Variants in HIP1 observed in about 807,000 individuals in gnomAD.
HIP1 encodes huntingtin interacting protein 1.
In HIP1, 65 loss-of-function variants were observed where a neutral mutation model predicts 147.6. The ratio of observed to expected loss-of-function variants is 0.44; its 90% CI spans 0.36 to 0.54. HIP1 has a LOEUF of 0.54. Among genes scored for constraint, HIP1 ranks in the 20% least tolerant of loss-of-function variants. The pLI is 0.00. For missense variants in HIP1, 1,061 were observed against 1,299.6 expected (o/e 0.82, Z 2.82); for synonymous variants, 479 against 504.0 (o/e 0.95, Z 0.67).
chr7:75,669,073 C>A lies in HIP1; in HGVS notation c.120+69728G>T, dbSNP rs1410483145. On this transcript the variant is annotated intron_variant, in intron 1 of 30. Transcript: ENST00000336926. ...TTTCTACTTAAAACAAACAAACAAA[C>A]AAAAAAAACAGGCCGGGTGTGGTGG... Among the ~76,000 whole-genome samples the A allele has an allele frequency of 5.4e-4, 79 of 146,120 alleles. 2 individuals carry two copies. The highest frequency in any genetic ancestry group is 3.1e-3 in the Admixed American group (45 of 14,534).
intron 4 of HIP1, among the ~76,000 whole-genome samples, chr7:75,590,481 T>C (rs587611601): frequency 2.0e-5 from 3 of 151,356 alleles, no homozygotes; most frequent in Non-Finnish European, 4.4e-5. Context: ...ATGAGAGAAA[T>C]AGAAGTAGAA....
chr7:75,553,088 C>A (rs1794848406), intron 22 of HIP1, among the ~76,000 whole-genome samples: 1 of 152,006 alleles, frequency 6.6e-6, no homozygotes, highest in African/African-American at 2.4e-5. Context: ...TAGGCATGCA[C>A]CACTATGCTG....
rs1000231069 is a variant in HIP1 at position 75,591,955 on chromosome 7, G to A, written c.384+101C>T. On this transcript the variant is annotated intron_variant, in intron 4 of 30. Coordinates refer to ENST00000336926, the MANE Select transcript of HIP1 (RefSeq NM_005338.7). ...CACCCATGGGAGAAATCCTCAACAA[G>A]CTGAAGGAGATGAATTTATTTCACC... The A allele has an allele frequency of 1.8e-5, 17 of 952,102 alleles. No individual in the cohort carries two copies. The African/African-American group carries it at 2.7e-4, about 15-fold the overall frequency. The allele number at this position is 952,102 out of a possible 1,614,324, so 59.0% of individuals were successfully genotyped here. A position where few individuals can be genotyped will look rare whatever the true frequency, so the allele number is the denominator to read the frequency against.
intron 5 of HIP1, among the ~76,000 whole-genome samples, chr7:75,586,365 G>A (rs1796280520): frequency 6.6e-6 from 1 of 151,946 alleles, no homozygotes; most frequent in South Asian, 2.1e-4. Flanking sequence ...ACCACCATGG[G>A]TAATTTTTGT....
intron 1 of HIP1, among the ~76,000 whole-genome samples, chr7:75,655,626 AG>A: frequency 6.6e-6 from 1 of 151,904 alleles, no homozygotes; most frequent in Non-Finnish European, 1.5e-5. Flanking sequence ...AGCAAAGCAA[AG>A]AAATAAGCCA....
At chr7:75,649,619 G>T (rs1461324797) in intron 1 of HIP1, among the ~76,000 whole-genome samples, 1 of 152,130 alleles carries the variant, frequency 6.6e-6, no homozygotes, top group Non-Finnish European at 1.5e-5. Context: ...GATGTAATGG[G>T]TCTGGGATCA....
chr7:75,566,213 G>T (rs1795395999), intron 9 of HIP1, among the ~76,000 whole-genome samples: 1 of 150,562 alleles, frequency 6.6e-6, no homozygotes, highest in South Asian at 2.1e-4. Context: ...GTAGAGACGG[G>T]GTTTCACCAT....
At chr7:75,576,226 T>C (rs1795841701) in intron 7 of HIP1, among the ~76,000 whole-genome samples, 1 of 152,252 alleles carries the variant, frequency 6.6e-6, no homozygotes, top group Non-Finnish European at 1.5e-5. Flanking sequence ...CGTAAGGGTC[T>C]CAGAGGACTT....
chr7:75,716,766 G>A (rs988962899), intron 1 of HIP1, among the ~76,000 whole-genome samples: 1 of 151,278 alleles, frequency 6.6e-6, no homozygotes, highest in Non-Finnish European at 1.5e-5. Context: ...GTGATCTGCC[G>A]TCTCAGCCTC....
intron 1 of HIP1, among the ~76,000 whole-genome samples, chr7:75,728,948 G>C (rs1801739877): frequency 6.6e-6 from 1 of 151,316 alleles, no homozygotes; most frequent in African/African-American, 2.4e-5. Context: ...GTGGGGGGAA[G>C]TGGGGTGAAA....
Position 75,555,397 on chromosome 7 carries a change from TG to T in HIP1, c.1963+18del, listed in dbSNP as rs1392854247. 6.2e-7 allele frequency: 1 copy of T among 1,612,768 alleles called. No homozygotes were observed. The highest frequency in any genetic ancestry group is 8.5e-7 in the Non-Finnish European group (1 of 1,179,958). ...CTGTAAGGACCTGGCCCCTGCCAGC[TG>T]GGCAATTGCAAGTGTACCTGCAGAC... On this transcript the variant is annotated intron_variant, in intron 19 of 30. Transcript: ENST00000336926.
intron 21 of HIP1, among the ~76,000 whole-genome samples, 183 bp downstream of exon 21, chr7:75,553,930 A>T (rs1269781224): frequency 6.6e-6 from 1 of 152,022 alleles, no homozygotes; most frequent in Non-Finnish European, 1.5e-5. Flanking sequence ...TCTTTAGTAG[A>T]GATGGGGTTT....
intron 1 of HIP1, among the ~76,000 whole-genome samples, chr7:75,732,933 A>G (rs782620237): frequency 5.9e-5 from 9 of 152,094 alleles, no homozygotes; most frequent in Non-Finnish European, 1.2e-4. Flanking sequence ...GGAGCCCCGC[A>G]GTGGCCAGTC....
intron 22 of HIP1, among the ~76,000 whole-genome samples, chr7:75,551,619 C>T (rs1459661753): frequency 1.3e-5 from 2 of 151,940 alleles, no homozygotes; most frequent in Non-Finnish European, 2.9e-5. Flanking sequence ...GTACACTCTG[C>T]AATTCACTGC....
Position 75,634,350 on chromosome 7 carries a change from C to G in HIP1, c.121-35103G>C, listed in dbSNP as rs147774274. 2.0e-3 allele frequency among the ~76,000 whole-genome samples: 304 copies of G among 152,266 alleles called. 3 individuals are homozygous for G. The East Asian group carries it at 0.021, about 11-fold the overall frequency. On this transcript the variant is annotated intron_variant, in intron 1 of 30. Coordinates refer to ENST00000336926, the MANE Select transcript of HIP1 (RefSeq NM_005338.7). ...CTCATCCTTCTTTCCTAAGTCTTCT[C>G]CCCTAGGAACCCAGAGGCCAAAGGC...
intron 1 of HIP1, among the ~76,000 whole-genome samples, chr7:75,707,603 AAAGTTCATATGGAACC>A (rs1801041859): frequency 6.6e-6 from 1 of 151,396 alleles, no homozygotes; most frequent in Non-Finnish European, 1.5e-5. Context: ...CTCTGATGGT[AAAGTTCATATGGAACC>A]AAAAAAGAGC....
chr7:75,612,136 G>A (rs1028664004), intron 1 of HIP1, among the ~76,000 whole-genome samples: 2 of 152,234 alleles, frequency 1.3e-5, no homozygotes, highest in Non-Finnish European at 2.9e-5. Flanking sequence ...CCCGGGTGGG[G>A]GTGGCAGGTC....
chr7:75,701,463 C>T (rs782775279), intron 1 of HIP1, among the ~76,000 whole-genome samples: 4 of 152,000 alleles, frequency 2.6e-5, no homozygotes, highest in Non-Finnish European at 5.9e-5. Flanking sequence ...AATCCCAGCA[C>T]TTTGGGAGGC....
intron 1 of HIP1, among the ~76,000 whole-genome samples, chr7:75,693,813 A>G (rs1270339705): frequency 6.6e-6 from 1 of 151,956 alleles, no homozygotes; most frequent in African/African-American, 2.4e-5. Context: ...GAGAGAGAGA[A>G]AGAAAGAAAA....
Sources: gnomAD v4.1 joint callset for allele counts (sites outside exome capture counted in the v4.1 genomes callset) on GRCh38, gnomAD v4.1.1 for gene constraint, MANE v1.5 for transcripts, NCBI Gene and HGNC (gene_info 2026-07-23, HGNC 2026-07-21) for gene names.